Variants in CCDC171 observed in about 807,000 individuals in gnomAD.
CCDC171 encodes coiled-coil domain-containing protein 171.
CCDC171 carries 177 observed loss-of-function variants against 168.2 expected under a neutral mutation model. That is an observed-to-expected ratio of 1.05 (90% CI 0.93 to 1.19). The LOEUF is 1.19. CCDC171 is among the 50% of genes most tolerant of loss of function. The probability of loss-of-function intolerance (pLI) is 0.00; values close to 1 mark genes in which losing one functional copy is unlikely to be tolerated. For missense variants in CCDC171, 1,991 were observed against 1,539.0 expected (o/e 1.29, Z -4.91); for synonymous variants, 687 against 540.8 (o/e 1.27, Z -3.75).
chr9:15,683,018 A>G (rs1587938721), intron 10 of CCDC171, among the ~76,000 whole-genome samples: 2 of 151,914 alleles, frequency 1.3e-5, no homozygotes, highest in African/African-American at 4.8e-5. Context: ...TTCATTTTCA[A>G]ATTGGTATTA....
At chr9:15,918,785 ATAAT>A (rs1339570678) in intron 24 of CCDC171, among the ~76,000 whole-genome samples, 2 of 151,642 alleles carry the variant, frequency 1.3e-5, no homozygotes, top group Non-Finnish European at 3.0e-5. Flanking sequence ...AGTATTATTA[ATAAT>A]TTATTCATTA....
chr9:15,893,791 G>A (rs1164788571), intron 24 of CCDC171, among the ~76,000 whole-genome samples: 1 of 152,138 alleles, frequency 6.6e-6, no homozygotes, highest in African/African-American at 2.4e-5. Flanking sequence ...AGATGCTGGT[G>A]AGGTCGTGGA....
At chr9:15,598,866 G>T (rs2042598662) in intron 6 of CCDC171, among the ~76,000 whole-genome samples, 1 of 152,128 alleles carries the variant, frequency 6.6e-6, no homozygotes, top group Admixed American at 6.6e-5. Flanking sequence ...AGGATAGTTA[G>T]CTCTTCTTGT....
At chr9:15,625,314 A>C (rs1436557732) in intron 7 of CCDC171, among the ~76,000 whole-genome samples, 1 of 152,120 alleles carries the variant, frequency 6.6e-6, no homozygotes, top group Non-Finnish European at 1.5e-5. Context: ...GAAGCTCTTT[A>C]ATTTAATTAG....
intron 3 of CCDC171, among the ~76,000 whole-genome samples, chr9:15,995,961 T>G (rs1294079267): frequency 1.3e-5 from 2 of 152,216 alleles, no homozygotes. Context: ...AACTTCTGTT[T>G]ATCACTTTCA....
intron 9 of CCDC171, among the ~76,000 whole-genome samples, chr9:15,676,028 T>G (rs2049529626): frequency 6.6e-6 from 1 of 152,188 alleles, no homozygotes; most frequent in Non-Finnish European, 1.5e-5. Flanking sequence ...GCAGGTTTGG[T>G]CTTTTCACAT....
At chr9:15,612,330 T>A (rs1262778683) in intron 6 of CCDC171, among the ~76,000 whole-genome samples, 1 of 152,218 alleles carries the variant, frequency 6.6e-6, no homozygotes, top group Non-Finnish European at 1.5e-5. Context: ...CAGTTTGCTT[T>A]CTGTCTTCCA....
At chr9:15,625,834 T>C (rs2045040114) in intron 7 of CCDC171, among the ~76,000 whole-genome samples, 1 of 152,108 alleles carries the variant, frequency 6.6e-6, no homozygotes, top group South Asian at 2.1e-4. Flanking sequence ...TTTAAAGTAG[T>C]TTTTTTCCAA....
At chr9:15,716,354 G>A (rs2053086620) in intron 11 of CCDC171, among the ~76,000 whole-genome samples, 1 of 152,036 alleles carries the variant, frequency 6.6e-6, no homozygotes, top group Non-Finnish European at 1.5e-5. Flanking sequence ...TTCTTTGATA[G>A]GATAGCTTTT....
At chr9:15,558,745 T>C (rs1298183871) in intron 1 of CCDC171, among the ~76,000 whole-genome samples, 1 of 152,188 alleles carries the variant, frequency 6.6e-6, no homozygotes, top group African/African-American at 2.4e-5. Context: ...AGTTCTGCTC[T>C]GATCTTAGTT....
At chr9:15,553,726 C>A (rs1563927783) in intron 1 of CCDC171, 1 of 152,214 alleles carries the variant, frequency 6.6e-6, no homozygotes, top group East Asian at 1.9e-4. Context: ...GCTAGACTGT[C>A]ACCTGCAGCT....
chr9:16,080,941 C>T, the CCDC171 span, among the ~76,000 whole-genome samples: 1 of 152,154 alleles, frequency 6.6e-6, no homozygotes, highest in Non-Finnish European at 1.5e-5. Context: ...TTATAGTTCT[C>T]TAACAAGCTC....
intron 23 of CCDC171, among the ~76,000 whole-genome samples, chr9:15,866,738 C>T (rs2061804203): frequency 6.6e-6 from 1 of 151,956 alleles, no homozygotes; most frequent in South Asian, 2.1e-4. Flanking sequence ...AGAAACAAGA[C>T]ATTATAGATA....
At chr9:15,689,102 A>G (rs1018582417) in intron 10 of CCDC171, among the ~76,000 whole-genome samples, 7 of 152,240 alleles carry the variant, frequency 4.6e-5, no homozygotes, top group African/African-American at 1.4e-4. Context: ...TAAGGAAACA[A>G]TTCTATTGAC....
chr9:15,826,280 C>G (rs115416525), intron 21 of CCDC171, among the ~76,000 whole-genome samples: 1 of 151,670 alleles, frequency 6.6e-6, no homozygotes, highest in Non-Finnish European at 1.5e-5. Flanking sequence ...AATTCTCTTT[C>G]GTTCTTCTGA....
chr9:15,961,803 G>A (rs1390785831), intron 25 of CCDC171, among the ~76,000 whole-genome samples: 1 of 151,916 alleles, frequency 6.6e-6, no homozygotes, highest in East Asian at 1.9e-4. Flanking sequence ...CTTACTGTAG[G>A]TAATTTGGAA....
chr9:15,665,129 T>C (rs1306231697), intron 8 of CCDC171, among the ~76,000 whole-genome samples: 4 of 152,052 alleles, frequency 2.6e-5, no homozygotes, highest in Non-Finnish European at 5.9e-5. Context: ...AAACATTTTT[T>C]TTTAAATTTT....
At chr9:15,643,572 T>G (rs1024352412) in intron 7 of CCDC171, among the ~76,000 whole-genome samples, 3 of 152,222 alleles carry the variant, frequency 2.0e-5, no homozygotes, top group Non-Finnish European at 4.4e-5. Context: ...TGAGATATAC[T>G]TCACATATCA....
At chr9:15,620,305 C>T (rs1283823679) in intron 6 of CCDC171, among the ~76,000 whole-genome samples, 2 of 152,070 alleles carry the variant, frequency 1.3e-5, no homozygotes, top group African/African-American at 2.4e-5. Context: ...ATTCTAGATG[C>T]CCTTAAGACC....
Sources: gnomAD v4.1 joint callset for allele counts (sites outside exome capture counted in the v4.1 genomes callset) on GRCh38, gnomAD v4.1.1 for gene constraint, MANE v1.5 for transcripts, NCBI Gene and HGNC (gene_info 2026-07-23, HGNC 2026-07-21) for gene names.